Variants in APBB2 observed in about 807,000 individuals in gnomAD.
APBB2 encodes amyloid beta precursor protein binding family B member 2.
Under a neutral mutation model 82.5 loss-of-function variants are expected in APBB2, and 38 were observed. The ratio of observed to expected loss-of-function variants is 0.46; its 90% CI spans 0.36 to 0.60. The LOEUF is 0.60. Among genes scored for constraint, APBB2 ranks in the 20% least tolerant of loss-of-function variants. The pLI, the probability that APBB2 is intolerant of heterozygous loss-of-function variation, is 0.00. For synonymous variants in APBB2, 341 were observed against 368.2 expected (o/e 0.93, Z 0.85); for missense variants, 772 against 972.3 (o/e 0.79, Z 2.74).
chr4:40,817,681 A>T (rs955040283), intron 17 of APBB2, among the ~76,000 whole-genome samples: 11 of 152,022 alleles, frequency 7.2e-5, no homozygotes, highest in Non-Finnish European at 8.8e-5. Flanking sequence ...TGGCTTTTTT[A>T]AAAAAAATCA....
chr4:40,816,848 T>C (rs773568014), intron 17 of APBB2, among the ~76,000 whole-genome samples: 7 of 152,190 alleles, frequency 4.6e-5, no homozygotes, highest in Non-Finnish European at 7.3e-5. Context: ...CATTCAGAAA[T>C]GTTTGTTTCC....
At chr4:40,918,302 A>G (rs1780335969) in intron 10 of APBB2, among the ~76,000 whole-genome samples, 1 of 152,230 alleles carries the variant, frequency 6.6e-6, no homozygotes, top group South Asian at 2.1e-4. Flanking sequence ...GAGGCCCACA[A>G]AGAACTCCAT....
chr4:40,962,751 G>A (rs984455798), intron 6 of APBB2, among the ~76,000 whole-genome samples: 2 of 152,098 alleles, frequency 1.3e-5, no homozygotes, highest in African/African-American at 4.8e-5. Flanking sequence ...AGGAAGGGAG[G>A]GATTCAGGTG....
At position 40,811,161 on chromosome 4, in the gene APBB2, G is replaced by A. The variant is rs1744319152; in HGVS notation, c.*4931C>T. On this transcript the variant is annotated 3_prime_UTR_variant, in exon 18 of 18. Coordinates refer to ENST00000508593, the MANE Select transcript of APBB2 (RefSeq NM_004307.2). ...CTCTTTAGAAGTATATGAAGATTCTGAATTAAACCATTCATTAATTACACT... is the reference window on the plus strand; with the variant it reads ...CTCTTTAGAAGTATATGAAGATTCTAAATTAAACCATTCATTAATTACACT... 1 of 152,154 alleles carries A rather than the reference G, an allele frequency of 6.6e-6. No individual in the cohort carries two copies. The highest frequency in any genetic ancestry group is 2.4e-5 in the African/African-American group (1 of 41,422). 9.4% of individuals were successfully genotyped at this position (152,154 alleles called of 1,614,324 possible).
chr4:41,052,773 CTT>C (rs72004025), intron 4 of APBB2, among the ~76,000 whole-genome samples: 26 of 121,976 alleles, frequency 2.1e-4, no homozygotes, highest in Admixed American at 4.6e-4. Flanking sequence ...TTTCTTTCTT[CTT>C]TTTTTTTTTT....
intron 3 of APBB2, among the ~76,000 whole-genome samples, chr4:41,069,061 T>G (rs1732938704): frequency 6.6e-6 from 1 of 152,214 alleles, no homozygotes; most frequent in African/African-American, 2.4e-5. Flanking sequence ...CCCAAAGTGC[T>G]GGGATTACAG....
chr4:40,940,057 A>G (rs1786435627), intron 7 of APBB2, among the ~76,000 whole-genome samples: 1 of 152,178 alleles, frequency 6.6e-6, no homozygotes, highest in South Asian at 2.1e-4. Context: ...TTCAGCAAAT[A>G]GTTAATGAAT....
chr4:40,925,480 C>A (rs1358135534), intron 10 of APBB2, among the ~76,000 whole-genome samples: 1 of 152,138 alleles, frequency 6.6e-6, no homozygotes, highest in Non-Finnish European at 1.5e-5. Flanking sequence ...CAGTCTGGGT[C>A]CAGAGTCCAT....
At chr4:41,185,435 C>T (rs77012859) in intron 1 of APBB2, among the ~76,000 whole-genome samples, 117 of 152,248 alleles carry the variant, frequency 7.7e-4, no homozygotes, top group Non-Finnish European at 1.4e-3. Flanking sequence ...GGTTTCAGGA[C>T]CCTAACCTTT....
At chr4:40,880,470 A>C in intron 12 of APBB2, 1 of 985,446 alleles carries the variant, frequency 1.0e-6, no homozygotes, top group Non-Finnish European at 1.2e-6. Flanking sequence ...TTCTTCAAGC[A>C]CCAAACCATG....
intron 5 of APBB2, among the ~76,000 whole-genome samples, 168 bp downstream of exon 5, chr4:41,033,068 C>G (rs1168336033): frequency 6.6e-6 from 1 of 151,972 alleles, no homozygotes. Context: ...CAGGCGTGAG[C>G]CACCGCGCCC....
rs1398058749 is a variant in APBB2 at position 40,823,631 on chromosome 4, G to A, written c.1932+13C>T. The A allele has an allele frequency of 6.3e-7, 1 of 1,577,028 alleles. No homozygotes were observed. Among genetic ancestry groups the A allele is most frequent in the Non-Finnish European group, 8.7e-7 (1 of 1,146,980 alleles). On this transcript the variant is annotated intron_variant, in intron 16 of 17. Coordinates refer to ENST00000508593, the MANE Select transcript of APBB2 (RefSeq NM_004307.2). ...TATAAGACACACCAATGTCATCGAA[G>A]ATTCCTTCTCACCTTTTCACTGATG...
At position 40,852,266 on chromosome 4, in the gene APBB2, G is replaced by A. The variant is rs973439971; in HGVS notation, c.1530-21689C>T. Among the ~76,000 whole-genome samples the A allele has an allele frequency of 2.0e-5, 3 of 150,394 alleles. No homozygotes were observed. The East Asian group carries it at 5.9e-4, about 30-fold the overall frequency. On this transcript the variant is annotated intron_variant, in intron 12 of 17. Transcript: ENST00000508593. ...TTTGGGAGGCTGAGGCAGGAGAATC[G>A]CTTGAACCCGGGAGGCGAAGGCTGC...
intron 1 of APBB2, among the ~76,000 whole-genome samples, chr4:41,151,659 G>A (rs1379908289): frequency 6.6e-6 from 1 of 151,950 alleles, no homozygotes; most frequent in East Asian, 1.9e-4. Flanking sequence ...TTCTTTTAGC[G>A]TTTTGAAGAT....
chr4:40,861,909 C>T (rs1762853701), intron 12 of APBB2, among the ~76,000 whole-genome samples: 1 of 152,094 alleles, frequency 6.6e-6, no homozygotes, highest in Non-Finnish European at 1.5e-5. Flanking sequence ...AAACTGATCA[C>T]CCAACTTTTA....
intron 12 of APBB2, chr4:40,848,985 C>T: frequency 5.0e-6 from 4 of 805,106 alleles, no homozygotes; most frequent in Non-Finnish European, 6.0e-6. Flanking sequence ...TGCCTGTTCA[C>T]TTACCACTGT....
At chr4:41,082,225 C>G (rs1319525532) in intron 3 of APBB2, among the ~76,000 whole-genome samples, 1 of 152,158 alleles carries the variant, frequency 6.6e-6, no homozygotes. Context: ...AAAAGAACAC[C>G]AATCAACAAT....
chr4:40,832,075 T>C lies in APBB2; in HGVS notation c.1530-1498A>G, dbSNP rs1393764017. Reference sequence around the variant, plus strand: ...ACATATACACCAAGCTTTACCCATCTAGGAATGGATCACAGTGATTTATTT... The same window carrying C: ...ACATATACACCAAGCTTTACCCATCCAGGAATGGATCACAGTGATTTATTT... On this transcript the variant is annotated intron_variant, in intron 12 of 17. Coordinates refer to ENST00000508593, the MANE Select transcript of APBB2 (RefSeq NM_004307.2). This position sits in a 1 kb window ranked among gnomAD's most constrained non-coding sequence, Gnocchi z 4.8. Among the ~76,000 whole-genome samples, 2 of 145,724 alleles carry C rather than the reference T, an allele frequency of 1.4e-5. No homozygotes were observed. Among genetic ancestry groups the C allele is most frequent in the Non-Finnish European group, 3.1e-5 (2 of 65,524 alleles).
chr4:41,114,811 G>A (rs1560789662), intron 2 of APBB2, among the ~76,000 whole-genome samples: 1 of 151,988 alleles, frequency 6.6e-6, no homozygotes, highest in East Asian at 1.9e-4. Flanking sequence ...CACTGCTCAA[G>A]GAAATAAGAG....
Sources: gnomAD v4.1 joint callset for allele counts (sites outside exome capture counted in the v4.1 genomes callset) on GRCh38, gnomAD v4.1.1 for gene constraint, Gnocchi (gnomAD v3.1) non-coding constraint, MANE v1.5 for transcripts, NCBI Gene and HGNC (gene_info 2026-07-23, HGNC 2026-07-21) for gene names.